The following ARMC8 variants were observed in gnomAD, a reference collection of about 807,000 sequenced individuals.
ARMC8 encodes the protein armadillo repeat-containing protein 8.
A neutral mutation model predicts 99.3 loss-of-function variants in ARMC8; 20 were observed. That is an observed-to-expected ratio of 0.20 (90% CI 0.14 to 0.29). The LOEUF (loss-of-function observed/expected upper bound fraction) is 0.29, where lower values mean the gene tolerates loss of function less well. ARMC8 is among the 10% of genes least tolerant of loss of function. The pLI is 1.00. For missense variants in ARMC8, 569 were observed against 809.5 expected (o/e 0.70, Z 3.60); for synonymous variants, 263 against 278.3 (o/e 0.95, Z 0.55).
chr3:138,225,501 T>C (rs571460040), intron 5 of ARMC8, among the ~76,000 whole-genome samples: 1 of 152,322 alleles, frequency 6.6e-6, no homozygotes, highest in Non-Finnish European at 1.5e-5. Flanking sequence ...GCCAATATTT[T>C]TAAACACTCT....
At chr3:138,196,129 T>C (rs573213012) in intron 1 of ARMC8, among the ~76,000 whole-genome samples, 6 of 152,174 alleles carry the variant, frequency 3.9e-5, no homozygotes, top group Non-Finnish European at 7.3e-5. Context: ...TTTCTTAGGC[T>C]TTCAGAAAGC....
At chr3:138,234,161 A>G (rs1457310522) in intron 6 of ARMC8, among the ~76,000 whole-genome samples, 3 of 151,306 alleles carry the variant, frequency 2.0e-5, no homozygotes, top group Non-Finnish European at 4.4e-5. Context: ...GCTACAGTGC[A>G]GTGGTACGAT....
At chr3:138,188,293 A>G in intron 1 of ARMC8, 1 of 996,448 alleles carries the variant, frequency 1.0e-6, no homozygotes, top group South Asian at 1.9e-5. Flanking sequence ...GGGGAGTCAA[A>G]CATTGAAGGG....
At chr3:138,283,536 GT>G (rs1412952829) in intron 18 of ARMC8, among the ~76,000 whole-genome samples, 3 of 151,362 alleles carry the variant, frequency 2.0e-5, no homozygotes, top group East Asian at 1.9e-4. Flanking sequence ...CAGGGAGTGT[GT>G]TTTTTTTTCC....
In ARMC8 at chr3:138,272,990, A is replaced by C. The variant is rs1306239155; in HGVS notation, c.1503A>C (p.Gln501His). ...AGAATATGGCATTTCAGGCTGAACA[A>C]AAAATAAAAGCAGATATTTTACGAA... is the stretch of plus-strand genomic sequence containing the variant. ...ALMNMAFQAE[Q>H]KIKADILRSL... Residue 501 changes from glutamine to histidine, a missense_variant, in exon 17 of 22, where the codon CAA becomes CAC. Coordinates refer to ENST00000469044, the MANE Select transcript of ARMC8 (RefSeq NM_001363941.2). 6.2e-7 allele frequency: 1 copy of C among 1,605,236 alleles called. No homozygotes were observed. Among genetic ancestry groups the C allele is most frequent in the Admixed American group, 1.7e-5 (1 of 58,636 alleles).
intron 3 of ARMC8, among the ~76,000 whole-genome samples, 161 bp from the exon 4 acceptor site, chr3:138,223,228 A>T (rs1057349413): frequency 5.9e-5 from 9 of 152,092 alleles, no homozygotes; most frequent in African/African-American, 2.2e-4. Flanking sequence ...TTTTTTCCAG[A>T]TGTTTCTTTA....
At chr3:138,248,341 G>A (rs1439357039) in intron 12 of ARMC8, among the ~76,000 whole-genome samples, 1 of 152,190 alleles carries the variant, frequency 6.6e-6, no homozygotes, top group Non-Finnish European at 1.5e-5. Flanking sequence ...TGAGAGCTCA[G>A]TGGAAGAAGG....
rs75451273 is a variant in ARMC8 at position 138,248,370 on chromosome 3, G to GT, written c.1134+3188dup. On this transcript the variant is annotated intron_variant, in intron 12 of 21. Coordinates refer to ENST00000469044, the MANE Select transcript of ARMC8 (RefSeq NM_001363941.2). ...AAGAAGGGTCCAGAACACATTAGCAGTAACTGCAATGACAGCAATGCCAAG... is the reference window on the plus strand; with the variant it reads ...AAGAAGGGTCCAGAACACATTAGCAGTTAACTGCAATGACAGCAATGCCAAG... Among the ~76,000 whole-genome samples the GT allele has an allele frequency of 2.7e-3, 404 of 152,334 alleles. 5 individuals carry two copies. The highest frequency in any genetic ancestry group is 0.015 in the East Asian group (77 of 5,186).
chr3:138,201,634 G>C (rs1042518041), intron 1 of ARMC8, among the ~76,000 whole-genome samples: 1 of 151,174 alleles, frequency 6.6e-6, no homozygotes, highest in South Asian at 2.1e-4. Flanking sequence ...GCTAATTTTT[G>C]TATTTTAGTA....
chr3:138,236,397 C>T (rs1056420022), intron 7 of ARMC8, among the ~76,000 whole-genome samples: 1 of 152,192 alleles, frequency 6.6e-6, no homozygotes, highest in Non-Finnish European at 1.5e-5. Context: ...ATTAATTCCC[C>T]CAGCTCTTCC....
intron 2 of ARMC8, among the ~76,000 whole-genome samples, chr3:138,211,336 A>G (rs1030277356): frequency 1.1e-4 from 17 of 152,330 alleles, no homozygotes; most frequent in Middle Eastern, 3.4e-3. Context: ...TATCACTGCT[A>G]CTATGTTTAG....
intron 1 of ARMC8, among the ~76,000 whole-genome samples, chr3:138,206,593 A>G (rs2044385884): frequency 6.6e-6 from 1 of 152,152 alleles, no homozygotes; most frequent in Admixed American, 6.5e-5. Flanking sequence ...CTCAAATGTC[A>G]CCTTTTTAGA....
At chr3:138,273,875 G>A (rs1018521691) in intron 17 of ARMC8, among the ~76,000 whole-genome samples, 1 of 151,138 alleles carries the variant, frequency 6.6e-6, no homozygotes, top group African/African-American at 2.4e-5. Context: ...GGAGTGCAGT[G>A]GCACAGTCTC....
chr3:138,279,668 G>A (rs368084410), intron 18 of ARMC8, among the ~76,000 whole-genome samples: 4 of 152,138 alleles, frequency 2.6e-5, no homozygotes, highest in African/African-American at 4.8e-5. Flanking sequence ...ATCTGGATAC[G>A]ATGACCGTTT....
chr3:138,263,069 T>C (rs564179071), intron 12 of ARMC8, among the ~76,000 whole-genome samples: 2 of 152,370 alleles, frequency 1.3e-5, no homozygotes, highest in African/African-American at 4.8e-5. Flanking sequence ...TACTTTATTC[T>C]AATATGAAAA....
intron 21 of ARMC8, among the ~76,000 whole-genome samples, chr3:138,293,650 C>T (rs922978077): frequency 6.6e-6 from 1 of 152,200 alleles, no homozygotes; most frequent in Non-Finnish European, 1.5e-5. Context: ...TGGATCTGAG[C>T]TTGTACCTTG....
chr3:138,264,073 T>A (rs2048017620), intron 13 of ARMC8, 58 bp from the exon 14 acceptor site: 1 of 1,495,122 alleles, frequency 6.7e-7, no homozygotes, highest in Admixed American at 1.7e-5. Context: ...CCAGCCAGTT[T>A]GTTTGAAAAG....
At chr3:138,225,300 G>A (rs546333092) in intron 5 of ARMC8, among the ~76,000 whole-genome samples, 76 of 152,144 alleles carry the variant, frequency 5.0e-4, no homozygotes, top group African/African-American at 1.7e-3. Flanking sequence ...TAGTAGAGAC[G>A]GGGTTTCACC....
chr3:138,253,272 GAGCACTC>G lies in ARMC8; in HGVS notation c.1134+8091_1134+8097del, dbSNP rs1334308572. 2.6e-5 allele frequency among the ~76,000 whole-genome samples: 4 copies of G among 152,216 alleles called. No homozygotes were observed. In the East Asian group the frequency reaches 7.7e-4, roughly 29 times the overall value. The stretch of plus-strand genomic sequence containing the variant: ...AGAAATATAACTACTACCATTTGTT[GAGCACTC>G]ACTATGTGCTGGACCCTGTGCTAAG... On this transcript the variant is annotated intron_variant, in intron 12 of 21. Transcript: ENST00000469044.
Sources: gnomAD v4.1 joint callset for allele counts (sites outside exome capture counted in the v4.1 genomes callset) on GRCh38, gnomAD v4.1.1 for gene constraint, MANE v1.5 for transcripts, NCBI Gene and HGNC (gene_info 2026-07-23, HGNC 2026-07-21) for gene names.